Variants in INPP4B observed in about 807,000 individuals in gnomAD.
INPP4B encodes inositol polyphosphate 4-phosphatase type II.
A neutral mutation model predicts 122.5 loss-of-function variants in INPP4B; 55 were observed. The ratio of observed to expected loss-of-function variants is 0.45; its 90% CI spans 0.36 to 0.56. INPP4B has a LOEUF of 0.56. Ranked by LOEUF, INPP4B falls within the 20% of genes least tolerant of loss-of-function variation. The probability of loss-of-function intolerance (pLI) is 0.00; values close to 1 mark genes in which losing one functional copy is unlikely to be tolerated. For missense variants in INPP4B, 1,000 were observed against 1,097.7 expected (o/e 0.91, Z 1.26); for synonymous variants, 403 against 388.7 (o/e 1.04, Z -0.43).
intron 11 of INPP4B, among the ~76,000 whole-genome samples, chr4:142,243,055 G>A (rs1344033165): frequency 1.3e-5 from 2 of 152,152 alleles, no homozygotes; most frequent in Non-Finnish European, 2.9e-5. Context: ...ACCACCAATT[G>A]TGGAAATTGA....
chr4:142,522,948 G>T (rs1371988876), intron 2 of INPP4B, among the ~76,000 whole-genome samples: 1 of 152,070 alleles, frequency 6.6e-6, no homozygotes, highest in Non-Finnish European at 1.5e-5. Flanking sequence ...GTGATTTCTT[G>T]TTGCTAGTAG....
intron 2 of INPP4B, chr4:142,473,563 T>G (rs1190756984): frequency 6.6e-6 from 1 of 152,622 alleles, no homozygotes; most frequent in Non-Finnish European, 1.5e-5. Context: ...TAAAAGACTT[T>G]GGCCCCAGAG....
At chr4:142,483,574 A>G (rs1475810829) in intron 2 of INPP4B, among the ~76,000 whole-genome samples, 1 of 152,050 alleles carries the variant, frequency 6.6e-6, no homozygotes, top group Non-Finnish European at 1.5e-5. Context: ...GAGCCTGTGT[A>G]CATATTTTAG....
intron 2 of INPP4B, among the ~76,000 whole-genome samples, chr4:142,578,698 A>G (rs1452562054): frequency 6.6e-6 from 1 of 151,972 alleles, no homozygotes; most frequent in African/African-American, 2.4e-5. Flanking sequence ...AAATATAGTC[A>G]TCTTCTAAGG....
intron 2 of INPP4B, among the ~76,000 whole-genome samples, chr4:142,702,851 T>C (rs1423228101): frequency 2.6e-5 from 4 of 152,124 alleles, no homozygotes; most frequent in African/African-American, 9.7e-5. Flanking sequence ...TGCATAGCAT[T>C]AGTGATTTTG....
intron 2 of INPP4B, among the ~76,000 whole-genome samples, chr4:142,654,887 A>T (rs13131682): frequency 3.9e-5 from 6 of 152,118 alleles, no homozygotes; most frequent in Non-Finnish European, 8.8e-5. Flanking sequence ...CAAATACCCA[A>T]GCCAGTCCAA....
intron 7 of INPP4B, among the ~76,000 whole-genome samples, chr4:142,328,054 T>TA (rs1264802617): frequency 6.6e-6 from 1 of 152,196 alleles, no homozygotes; most frequent in Non-Finnish European, 1.5e-5. Context: ...AGTGGCATTC[T>TA]AAACAGGCAC....
chr4:142,516,131 T>C (rs556981768), intron 2 of INPP4B, among the ~76,000 whole-genome samples: 3 of 152,274 alleles, frequency 2.0e-5, no homozygotes, highest in African/African-American at 7.2e-5. Flanking sequence ...CATGAAGATA[T>C]TCAGGGGAAG....
At chr4:142,713,089 A>G (rs1383976068) in intron 2 of INPP4B, among the ~76,000 whole-genome samples, 1 of 152,224 alleles carries the variant, frequency 6.6e-6, no homozygotes, top group East Asian at 1.9e-4. Flanking sequence ...CAATATTTTG[A>G]CAATTGTCAA....
At chr4:142,654,131 A>T (rs1753622323) in intron 2 of INPP4B, among the ~76,000 whole-genome samples, 2 of 152,218 alleles carry the variant, frequency 1.3e-5, no homozygotes, top group South Asian at 2.1e-4. Context: ...CAGAAAACCA[A>T]ACACCACATG....
intron 2 of INPP4B, among the ~76,000 whole-genome samples, chr4:142,527,651 T>C (rs1180295822): frequency 6.6e-6 from 1 of 152,038 alleles, no homozygotes. Context: ...TTTTACTATG[T>C]TGTAACATAT....
intron 2 of INPP4B, among the ~76,000 whole-genome samples, chr4:142,720,978 T>A (rs1265831324): frequency 6.8e-6 from 1 of 147,738 alleles, no homozygotes; most frequent in Non-Finnish European, 1.5e-5. Flanking sequence ...AGAACAAACA[T>A]ACATTTATGT....
At chr4:142,636,547 T>C (rs1749206168) in intron 2 of INPP4B, among the ~76,000 whole-genome samples, 1 of 152,194 alleles carries the variant, frequency 6.6e-6, no homozygotes, top group South Asian at 2.1e-4. Context: ...ACTAAATAAA[T>C]AGTGATTTAT....
chr4:142,372,119 C>A (rs1790165401), intron 7 of INPP4B, among the ~76,000 whole-genome samples: 1 of 151,926 alleles, frequency 6.6e-6, no homozygotes, highest in Non-Finnish European at 1.5e-5. Context: ...TAATAAAATC[C>A]TTTCATTTGC....
intron 25 of INPP4B, among the ~76,000 whole-genome samples, chr4:142,070,384 T>G (rs1476814351): frequency 6.6e-6 from 1 of 152,208 alleles, no homozygotes; most frequent in Non-Finnish European, 1.5e-5. Flanking sequence ...AATATCATAC[T>G]GAATGGGCCA....
At chr4:142,243,233 C>T (rs1860415111) in intron 11 of INPP4B, among the ~76,000 whole-genome samples, 1 of 152,152 alleles carries the variant, frequency 6.6e-6, no homozygotes, top group South Asian at 2.1e-4. Context: ...TATTGTTTTT[C>T]TCCTAGTTTA....
chr4:142,243,968 T>G (rs1860799099), intron 11 of INPP4B, among the ~76,000 whole-genome samples: 1 of 151,980 alleles, frequency 6.6e-6, no homozygotes, highest in Non-Finnish European at 1.5e-5. Context: ...ACATGCAGGT[T>G]TGATACATAG....
chr4:142,360,103 G>A (rs115749916), intron 7 of INPP4B, among the ~76,000 whole-genome samples: 1 of 151,758 alleles, frequency 6.6e-6, no homozygotes, highest in Admixed American at 6.6e-5. Context: ...TTAACATTTA[G>A]GTAATTTTAA....
chr4:142,624,949 T>G (rs943726126), intron 2 of INPP4B, among the ~76,000 whole-genome samples: 6 of 151,824 alleles, frequency 4.0e-5, no homozygotes, highest in Non-Finnish European at 8.8e-5. Context: ...TGCTAAAAAC[T>G]CTCAATAAAT....
Sources: allele counts gnomAD v4.1 joint callset (sites outside exome capture counted in the v4.1 genomes callset), GRCh38; gene constraint gnomAD v4.1.1; transcripts MANE v1.5; gene names NCBI Gene and HGNC (gene_info 2026-07-23, HGNC 2026-07-21).